NBEA: variants seen among roughly 807,000 people sequenced by gnomAD.
NBEA encodes the protein neurobeachin, also known as lysosomal-trafficking regulator 2.
In NBEA, 44 loss-of-function variants were observed where a neutral mutation model predicts 343.4. The ratio of observed to expected loss-of-function variants is 0.13; its 90% CI spans 0.10 to 0.16. The LOEUF is 0.16. Ranked by LOEUF, NBEA falls within the 10% of genes least tolerant of loss-of-function variation. The pLI is 1.00. For missense variants in NBEA, 2,555 were observed against 3,631.3 expected (o/e 0.70, Z 7.62); for synonymous variants, 1,175 against 1,238.7 (o/e 0.95, Z 1.08).
chr13:35,597,054 T>G (rs2081838455), intron 47 of NBEA, among the ~76,000 whole-genome samples: 1 of 152,130 alleles, frequency 6.6e-6, no homozygotes, highest in Admixed American at 6.6e-5. Flanking sequence ...AATGTCAGAT[T>G]TGATGCAATA....
intron 38 of NBEA, among the ~76,000 whole-genome samples, chr13:35,392,004 C>T (rs1461965): frequency 0.87 from 131,686 of 152,064 alleles, 58,347 homozygotes; most frequent in Non-Finnish European, 0.95. Flanking sequence ...TGGAGCTAAA[C>T]TTATATATAG....
intron 38 of NBEA, among the ~76,000 whole-genome samples, chr13:35,378,131 A>G (rs1362403670): frequency 1.3e-5 from 2 of 152,180 alleles, no homozygotes; most frequent in Non-Finnish European, 2.9e-5. Context: ...ACGTGTATGT[A>G]TGTGTTTGTG....
intron 34 of NBEA, among the ~76,000 whole-genome samples, chr13:35,267,905 G>T (rs899988176): frequency 2.6e-5 from 4 of 151,890 alleles, no homozygotes; most frequent in African/African-American, 9.6e-5. Flanking sequence ...CTGAACTGTT[G>T]GTGGGATTTT....
intron 17 of NBEA, among the ~76,000 whole-genome samples, chr13:35,136,064 G>T (rs1593464929): frequency 6.6e-6 from 1 of 152,068 alleles, no homozygotes; most frequent in Non-Finnish European, 1.5e-5. Flanking sequence ...TAGTAAAGTA[G>T]AGACTCTCCC....
At chr13:35,412,774 T>G (rs2043668839) in intron 38 of NBEA, among the ~76,000 whole-genome samples, 1 of 152,140 alleles carries the variant, frequency 6.6e-6, no homozygotes, top group African/African-American at 2.4e-5. Context: ...GTCCATTTTC[T>G]TGGTTGCTTT....
intron 48 of NBEA, among the ~76,000 whole-genome samples, chr13:35,619,508 A>C (rs1465852779): frequency 6.6e-6 from 1 of 152,004 alleles, no homozygotes; most frequent in East Asian, 1.9e-4. Context: ...CCCCCACCCA[A>C]CCACAACATC....
intron 1 of NBEA, among the ~76,000 whole-genome samples, chr13:34,951,017 C>T (rs900669389): frequency 6.6e-6 from 1 of 152,062 alleles, no homozygotes; most frequent in African/African-American, 2.4e-5. Context: ...TTTGCTAGGG[C>T]AAGTTAAAAT....
At chr13:35,597,521 C>A (rs1483072097) in intron 47 of NBEA, among the ~76,000 whole-genome samples, 3 of 151,974 alleles carry the variant, frequency 2.0e-5, no homozygotes, top group Non-Finnish European at 4.4e-5. Flanking sequence ...AAAAATAAGC[C>A]CATCTTTTAA....
intron 38 of NBEA, among the ~76,000 whole-genome samples, chr13:35,388,137 A>G (rs1305469258): frequency 6.6e-6 from 1 of 152,224 alleles, no homozygotes; most frequent in South Asian, 2.1e-4. Flanking sequence ...TTCCCTACCT[A>G]CTAGGTAACC....
At chr13:35,635,636 G>A (rs1348852071) in intron 49 of NBEA, among the ~76,000 whole-genome samples, 2 of 152,082 alleles carry the variant, frequency 1.3e-5, no homozygotes, top group Admixed American at 6.6e-5. Flanking sequence ...AAACTAATAA[G>A]GATATAGGTT....
intron 46 of NBEA, among the ~76,000 whole-genome samples, chr13:35,587,118 A>G (rs544946164): frequency 4.0e-4 from 61 of 152,260 alleles, no homozygotes; most frequent in African/African-American, 1.3e-3. Context: ...AAAATTACCT[A>G]TTAGCTGTGC....
intron 55 of NBEA, among the ~76,000 whole-genome samples, chr13:35,662,283 C>A (rs2085129717): frequency 6.6e-6 from 1 of 152,158 alleles, no homozygotes; most frequent in African/African-American, 2.4e-5. Context: ...CTAGTCATTC[C>A]AGCACACGGT....
intron 6 of NBEA, among the ~76,000 whole-genome samples, chr13:35,051,197 C>T (rs1467591411): frequency 6.6e-6 from 1 of 151,850 alleles, no homozygotes; most frequent in African/African-American, 2.4e-5. Context: ...GCTTTGTTCC[C>T]CTTCCAGGTT....
At chr13:35,376,235 G>T (rs1236689215) in intron 38 of NBEA, among the ~76,000 whole-genome samples, 2 of 152,176 alleles carry the variant, frequency 1.3e-5, no homozygotes, top group Non-Finnish European at 2.9e-5. Context: ...TTATGAAGTT[G>T]CTGTCTGGTA....
At chr13:35,291,452 G>C (rs1334164664) in intron 35 of NBEA, among the ~76,000 whole-genome samples, 2 of 151,742 alleles carry the variant, frequency 1.3e-5, no homozygotes, top group African/African-American at 2.4e-5. Context: ...AAAATCATTA[G>C]GCCCATTTTC....
At chr13:35,574,057 C>T (rs2080586252) in intron 45 of NBEA, among the ~76,000 whole-genome samples, 1 of 152,122 alleles carries the variant, frequency 6.6e-6, no homozygotes, top group Non-Finnish European at 1.5e-5. Flanking sequence ...AAAGTATTTA[C>T]TTTTCACTAA....
chr13:35,478,799 GC>G (rs2075995757), intron 41 of NBEA, among the ~76,000 whole-genome samples: 1 of 152,192 alleles, frequency 6.6e-6, no homozygotes, highest in African/African-American at 2.4e-5. Context: ...CCAAGACCTC[GC>G]CCCTTGCCTT....
intron 38 of NBEA, among the ~76,000 whole-genome samples, chr13:35,374,271 CA>C (rs764038260): frequency 4.6e-5 from 7 of 152,232 alleles, no homozygotes; most frequent in Admixed American, 2.0e-4. Flanking sequence ...GGTTCTGGAG[CA>C]ATCAGAACAC....
intron 1 of NBEA, among the ~76,000 whole-genome samples, chr13:35,006,227 A>G (rs546126167): frequency 3.3e-5 from 5 of 151,844 alleles, no homozygotes; most frequent in African/African-American, 1.2e-4. Context: ...TTGGATGTAC[A>G]TGTCTTTTAT....
Sources: gnomAD v4.1 joint callset for allele counts (sites outside exome capture counted in the v4.1 genomes callset) on GRCh38, gnomAD v4.1.1 for gene constraint, MANE v1.5 for transcripts, NCBI Gene and HGNC (gene_info 2026-07-23, HGNC 2026-07-21) for gene names.